SLIT1: variants seen among roughly 807,000 people sequenced by gnomAD.
SLIT1 encodes the protein slit homolog 1 protein.
Under a neutral mutation model 186.1 loss-of-function variants are expected in SLIT1, and 66 were observed. The ratio of observed to expected loss-of-function variants is 0.35; its 90% CI spans 0.29 to 0.44. SLIT1 has a LOEUF of 0.44. Among genes scored for constraint, SLIT1 ranks in the 20% least tolerant of loss-of-function variants. The probability of loss-of-function intolerance (pLI) is 1.00; values close to 1 mark genes in which losing one functional copy is unlikely to be tolerated. For synonymous variants in SLIT1, 761 were observed against 833.8 expected, an observed-to-expected ratio of 0.91 and a Z score of 1.50; for missense variants, 1,638 against 2,037.4, an observed-to-expected ratio of 0.80 and a Z score of 3.77.
At chr10:97,155,880 G>A (rs1366442808) in intron 4 of SLIT1, among the ~76,000 whole-genome samples, 2 of 152,248 alleles carry the variant, frequency 1.3e-5, no homozygotes, top group East Asian at 1.9e-4. Flanking sequence ...AGAAAGAACA[G>A]CAGAGAGAAA....
intron 4 of SLIT1, among the ~76,000 whole-genome samples, chr10:97,141,396 G>A (rs1015921603): frequency 6.6e-6 from 1 of 152,078 alleles, no homozygotes; most frequent in Non-Finnish European, 1.5e-5. Context: ...ACAGCCCCAG[G>A]CCCCTTGACT....
intron 22 of SLIT1, among the ~76,000 whole-genome samples, chr10:97,037,048 T>TTGTGTGTGTGTGTGTGTGTG: frequency 8.6e-6 from 1 of 116,946 alleles, no homozygotes; most frequent in East Asian, 2.6e-4. Context: ...ATAACCCCCT[T>TTGTGTGTGTGTGTGTGTGTG]TGTGTGTGTG....
intron 23 of SLIT1, among the ~76,000 whole-genome samples, chr10:97,033,110 G>A (rs1328733449): frequency 6.6e-6 from 1 of 150,650 alleles, no homozygotes; most frequent in Non-Finnish European, 1.5e-5. Flanking sequence ...GTGCAGGGGT[G>A]TGATCTTGGC....
intron 28 of SLIT1, among the ~76,000 whole-genome samples, chr10:97,015,227 C>G (rs139479513): frequency 2.2e-3 from 338 of 152,280 alleles, no homozygotes; most frequent in Non-Finnish European, 3.0e-3. Flanking sequence ...GACAAGCCCT[C>G]CAGGTAGAAA....
chr10:97,181,043 T>C (rs2134748349), intron 1 of SLIT1, among the ~76,000 whole-genome samples: 1 of 152,290 alleles, frequency 6.6e-6, no homozygotes, highest in South Asian at 2.1e-4. Flanking sequence ...TACTCCTCAC[T>C]ATCAACCTGC....
Position 97,021,546 on chromosome 10 carries a change from T to G in SLIT1, c.2583-133A>C, listed in dbSNP as rs938364055. 1.4e-6 allele frequency: 1 copy of G among 691,714 alleles called. No homozygotes were observed. Among genetic ancestry groups the G allele is most frequent in the Non-Finnish European group, 2.3e-6 (1 of 432,332 alleles). 42.8% of individuals were successfully genotyped at this position (691,714 alleles called of 1,614,324 possible). On this transcript the variant is annotated intron_variant, in intron 25 of 36. Coordinates refer to ENST00000266058, the MANE Select transcript of SLIT1 (RefSeq NM_003061.3). This position sits in a 1 kb window ranked among gnomAD's most constrained non-coding sequence, Gnocchi z 4.5. ...CTCCATTTCATGAGCATTTACTGTA[T>G]AGTCAGTGCTGCTTTTTTTTTTTTT...
intron 30 of SLIT1, among the ~76,000 whole-genome samples, chr10:97,013,213 G>C (rs954755426): frequency 6.6e-6 from 1 of 152,148 alleles, no homozygotes; most frequent in East Asian, 1.9e-4. Flanking sequence ...TTCACATTAC[G>C]TGGGATGAAT....
intron 4 of SLIT1, among the ~76,000 whole-genome samples, chr10:97,125,771 A>G (rs983467180): frequency 1.3e-5 from 2 of 151,244 alleles, no homozygotes; most frequent in African/African-American, 4.9e-5. Flanking sequence ...ACCAGGAGGC[A>G]GAGGTTTCGG....
Position 97,001,117 on chromosome 10 carries a change from C to T in SLIT1, c.4600G>A (p.Ala1534Thr), listed in dbSNP as rs757092109. ...KPTKCGCALC[A>T] ...CGGCCTGTCCACGCCCAGCGCTATG[C>T]GCAGAGGGCACAGCCACACTTGGTG... Residue 1534 changes from alanine to threonine, a missense_variant, in exon 37 of 37, where the codon GCA becomes ACA. Physicochemically the swap from Ala to Thr is moderately conservative, Grantham distance 58. Transcript: ENST00000266058. 3.4e-5 allele frequency: 55 copies of T among 1,612,110 alleles called. 1 individual carries two copies. Among genetic ancestry groups the T allele is most frequent in the Admixed American group, 1.0e-4 (6 of 60,030 alleles).
chr10:97,078,971 G>A (rs1273187758), intron 4 of SLIT1, among the ~76,000 whole-genome samples: 1 of 152,216 alleles, frequency 6.6e-6, no homozygotes, highest in African/African-American at 2.4e-5. Context: ...ACACACAATG[G>A]TGGGGGCAGG....
chr10:97,148,120 A>T (rs60504005), intron 4 of SLIT1, among the ~76,000 whole-genome samples: 4 of 151,424 alleles, frequency 2.6e-5, no homozygotes, highest in African/African-American at 9.7e-5. Flanking sequence ...CAACCAATTT[A>T]CTTAACCTGC....
intron 14 of SLIT1, among the ~76,000 whole-genome samples, chr10:97,048,380 TA>T (rs1848755547): frequency 6.6e-6 from 1 of 152,186 alleles, no homozygotes; most frequent in Non-Finnish European, 1.5e-5. Flanking sequence ...CTACAATTGC[TA>T]AGGCTGTTTC....
At chr10:97,047,413 A>G (rs1848743889) in intron 16 of SLIT1, among the ~76,000 whole-genome samples, 1 of 152,246 alleles carries the variant, frequency 6.6e-6, no homozygotes, top group South Asian at 2.1e-4. Context: ...AGACAAACGC[A>G]TCGTTGAGAA....
At chr10:97,175,119 C>T (rs908977576) in intron 1 of SLIT1, among the ~76,000 whole-genome samples, 3 of 152,316 alleles carry the variant, frequency 2.0e-5, no homozygotes, top group Admixed American at 6.5e-5. Context: ...CTCTGGGTAA[C>T]TCAGATAAGT....
In SLIT1 at chr10:97,166,556, A is replaced by AAGG. The variant is rs1491416361; in HGVS notation, c.198-1667_198-1666insCCT. On this transcript the variant is annotated intron_variant, in intron 1 of 36. Transcript: ENST00000266058. ...GAAGGAAGGAAGGAAGGAAGGAAGG[A>AAGG]AAGAGAGAGAGAGAGAAAGAAAGAA... is the stretch of plus-strand genomic sequence containing the variant. Among the ~76,000 whole-genome samples the AAGG allele has an allele frequency of 2.8e-3, 149 of 52,524 alleles. 7 individuals are homozygous for AAGG. Among genetic ancestry groups the AAGG allele is most frequent in the East Asian group, 0.023 (32 of 1,392 alleles). The allele number at this position is 52,524 out of a possible 152,430, so 34.5% of individuals were successfully genotyped here. A position where few individuals can be genotyped will look rare whatever the true frequency, so the allele number is the denominator to read the frequency against.
At chr10:97,108,479 T>G (rs1454439190) in intron 4 of SLIT1, among the ~76,000 whole-genome samples, 1 of 152,198 alleles carries the variant, frequency 6.6e-6, no homozygotes, top group African/African-American at 2.4e-5. Context: ...GGGCCCAGGC[T>G]CCGTGTGTCT....
intron 2 of SLIT1, among the ~76,000 whole-genome samples, chr10:97,164,007 C>A (rs978330841): frequency 2.6e-5 from 4 of 152,248 alleles, no homozygotes; most frequent in Non-Finnish European, 5.9e-5. Context: ...TGTACCCCCA[C>A]CCTGCCTGGC....
At chr10:97,111,937 TC>T (rs1849468572) in intron 4 of SLIT1, among the ~76,000 whole-genome samples, 1 of 152,162 alleles carries the variant, frequency 6.6e-6, no homozygotes, top group Admixed American at 6.5e-5. Flanking sequence ...TGCCAGAGGC[TC>T]CCCATCACTT....
In SLIT1 at chr10:97,037,782, A is replaced by G; in HGVS notation, c.2298-16T>C. 1 of 1,594,036 alleles carries G rather than the reference A, an allele frequency of 6.3e-7. No individual in the cohort carries two copies. Among genetic ancestry groups the G allele is most frequent in the Non-Finnish European group, 8.6e-7 (1 of 1,163,658 alleles). ...GTCCAAATAGCTGCAGAGAGAACACAGCGGCGTTAGTGCCCATCTCCACCT... is the reference window on the plus strand; with the variant it reads ...GTCCAAATAGCTGCAGAGAGAACACGGCGGCGTTAGTGCCCATCTCCACCT... On this transcript the variant is annotated splice_polypyrimidine_tract_variant and intron_variant, in intron 21 of 36. Coordinates refer to ENST00000266058, the MANE Select transcript of SLIT1 (RefSeq NM_003061.3).
Sources: allele counts gnomAD v4.1 joint callset (sites outside exome capture counted in the v4.1 genomes callset), GRCh38; gene constraint gnomAD v4.1.1; non-coding constraint Gnocchi (gnomAD v3.1); transcripts MANE v1.5; gene names NCBI Gene and HGNC (gene_info 2026-07-23, HGNC 2026-07-21).